Variants in MTUS2 observed in about 807,000 individuals in gnomAD.
MTUS2 encodes microtubule-associated tumor suppressor candidate 2.
A neutral mutation model predicts 114.1 loss-of-function variants in MTUS2; 40 were observed. That is an observed-to-expected ratio of 0.35 (90% confidence interval 0.27 to 0.46). The LOEUF is 0.46. Among genes scored for constraint, MTUS2 ranks in the 20% least tolerant of loss-of-function variants. The pLI is 1.00. For missense variants in MTUS2, 1,679 were observed against 1,705.4 expected, an observed-to-expected ratio of 0.98 and a Z score of 0.27; for synonymous variants, 688 against 672.0, an observed-to-expected ratio of 1.02 and a Z score of -0.37.
In MTUS2 at chr13:29,342,893, T is replaced by C. The variant is rs1282566882; in HGVS notation, c.2906-16369T>C. Among the ~76,000 whole-genome samples, 3 of 152,250 alleles carry C rather than the reference T, an allele frequency of 2.0e-5. No homozygotes were observed. In the East Asian group the frequency reaches 5.8e-4, roughly 30 times the overall value. ...AGGGATGGTGGATTTTGTCAAATGCTTTTTCTGTGTCTATTGAGATGATCA... is the reference window on the plus strand; with the variant it reads ...AGGGATGGTGGATTTTGTCAAATGCCTTTTCTGTGTCTATTGAGATGATCA... On this transcript the variant is annotated intron_variant, in intron 7 of 15. Transcript: ENST00000612955.
intron 6 of MTUS2, among the ~76,000 whole-genome samples, chr13:29,293,351 T>C (rs188083420): frequency 1.3e-5 from 2 of 152,290 alleles, no homozygotes; most frequent in Admixed American, 6.5e-5. Flanking sequence ...TGAAAAGATA[T>C]TCAAATTTAC....
chr13:29,091,168 A>G (rs1011536996), intron 4 of MTUS2, among the ~76,000 whole-genome samples: 1 of 150,684 alleles, frequency 6.6e-6, no homozygotes, highest in Non-Finnish European at 1.5e-5. Flanking sequence ...ATGGCAGTCT[A>G]CTCAATAGGT....
intron 6 of MTUS2, among the ~76,000 whole-genome samples, chr13:29,312,632 A>G (rs1899820327): frequency 6.6e-6 from 1 of 152,228 alleles, no homozygotes; most frequent in Non-Finnish European, 1.5e-5. Context: ...CTTAATGAAA[A>G]CTGCCACAGT....
intron 5 of MTUS2, among the ~76,000 whole-genome samples, chr13:29,155,127 G>C (rs1245570992): frequency 6.6e-6 from 1 of 152,222 alleles, no homozygotes; most frequent in African/African-American, 2.4e-5. Context: ...TAGGAAGGTT[G>C]ATAAAGGTAA....
At chr13:28,991,957 T>C (rs902039990) in intron 2 of MTUS2, among the ~76,000 whole-genome samples, 1 of 152,206 alleles carries the variant, frequency 6.6e-6, no homozygotes, top group Non-Finnish European at 1.5e-5. Context: ...CAGCCTAGGC[T>C]TGGCTGAAGC....
chr13:29,075,877 C>T (rs1293002351), intron 4 of MTUS2, among the ~76,000 whole-genome samples: 3 of 152,198 alleles, frequency 2.0e-5, no homozygotes, highest in Non-Finnish European at 2.9e-5. Flanking sequence ...AAACCTCTAA[C>T]AAGTCCTACC....
intron 4 of MTUS2, among the ~76,000 whole-genome samples, chr13:29,100,342 T>C (rs1432207912): frequency 6.6e-6 from 1 of 152,254 alleles, no homozygotes; most frequent in Non-Finnish European, 1.5e-5. Flanking sequence ...TTAAAATTAC[T>C]AGTGAATGTT....
intron 8 of MTUS2, among the ~76,000 whole-genome samples, chr13:29,382,575 C>CA (rs933113804): frequency 6.6e-6 from 1 of 152,178 alleles, no homozygotes; most frequent in African/African-American, 2.4e-5. Flanking sequence ...TTAGACTGTA[C>CA]AGTTTGTGGT....
At chr13:29,468,723 G>A (rs1043053430) in intron 9 of MTUS2, among the ~76,000 whole-genome samples, 4 of 151,862 alleles carry the variant, frequency 2.6e-5, no homozygotes, top group Non-Finnish European at 4.4e-5. Flanking sequence ...AGTAAATCAG[G>A]GGGAAAATGC....
intron 5 of MTUS2, among the ~76,000 whole-genome samples, chr13:29,187,147 T>A (rs1894258722): frequency 6.6e-6 from 1 of 150,410 alleles, no homozygotes; most frequent in South Asian, 2.1e-4. Flanking sequence ...ATGCAAATAT[T>A]AAAATATAAA....
At chr13:28,846,058 ATAT>A (rs1566173514) in intron 2 of MTUS2, among the ~76,000 whole-genome samples, 22 of 131,894 alleles carry the variant, frequency 1.7e-4, no homozygotes, top group African/African-American at 6.8e-4. Context: ...AAAAAAAAAT[ATAT>A]ATATATATAT....
chr13:28,924,039 A>G (rs1469266399), intron 2 of MTUS2, among the ~76,000 whole-genome samples: 1 of 152,116 alleles, frequency 6.6e-6, no homozygotes, highest in African/African-American at 2.4e-5. Context: ...CATCAGTCCC[A>G]GTGTGGCTCA....
chr13:28,910,576 T>A (rs936331124), intron 2 of MTUS2, among the ~76,000 whole-genome samples: 1 of 152,010 alleles, frequency 6.6e-6, no homozygotes, highest in African/African-American at 2.4e-5. Flanking sequence ...TTTGTGTTGT[T>A]CCCCTCCATG....
intron 6 of MTUS2, among the ~76,000 whole-genome samples, chr13:29,311,785 A>G (rs892789155): frequency 4.6e-5 from 7 of 152,210 alleles, no homozygotes; most frequent in Admixed American, 4.6e-4. Context: ...ATTTATAAAA[A>G]AGAAGGCAAA....
intron 1 of MTUS2, among the ~76,000 whole-genome samples, 156 bp downstream of exon 1, chr13:28,820,767 G>A (rs1593220434): frequency 6.6e-6 from 1 of 152,316 alleles, no homozygotes; most frequent in Non-Finnish European, 1.5e-5. Context: ...GAGCGCTGAT[G>A]CTTCCTGCCC....
chr13:29,024,782 C>T lies in MTUS2; in HGVS notation c.84C>T (p.Ser28=). The change falls in exon 3 of 16, where the codon AGC becomes AGT. Residue 28 remains serine (S), a synonymous_variant. Transcript: ENST00000612955. ...NRNAARNNNE[S]ILSLGDTNAN... is the part of the protein sequence containing the mutation. ...ATGCAGCAAGAAATAATAATGAAAGCATCTTAAGTCTGGGAGATACGAATG... is the reference window on the plus strand; with the variant it reads ...ATGCAGCAAGAAATAATAATGAAAGTATCTTAAGTCTGGGAGATACGAATG... 2 of 1,613,988 alleles carry T rather than the reference C, an allele frequency of 1.2e-6. No individual in the cohort carries two copies.
intron 2 of MTUS2, among the ~76,000 whole-genome samples, chr13:28,856,242 A>G (rs1281982398): frequency 6.6e-6 from 1 of 152,232 alleles, no homozygotes; most frequent in Non-Finnish European, 1.5e-5. Flanking sequence ...CTCCAGTTTG[A>G]AGACTGCTGC....
chr13:29,383,244 G>GTATATATATATATATATATT (rs1295576309), intron 8 of MTUS2, among the ~76,000 whole-genome samples: 3 of 53,540 alleles, frequency 5.6e-5, no homozygotes, highest in East Asian at 9.5e-4. Context: ...GTGTGTGTGT[G>GTATATATATATATATATATT]TGTGTGTGTA....
chr13:29,396,625 G>A (rs1044005802), intron 8 of MTUS2, among the ~76,000 whole-genome samples: 1 of 152,214 alleles, frequency 6.6e-6, no homozygotes, highest in African/African-American at 2.4e-5. Flanking sequence ...TGTGGCTTAG[G>A]AGGCTTGTAG....
Sources: allele counts gnomAD v4.1 joint callset (sites outside exome capture counted in the v4.1 genomes callset), GRCh38; gene constraint gnomAD v4.1.1; transcripts MANE v1.5; gene names NCBI Gene and HGNC (gene_info 2026-07-23, HGNC 2026-07-21).